PEAK1: variants seen among roughly 807,000 people sequenced by gnomAD.
PEAK1 encodes the protein inactive tyrosine-protein kinase PEAK1.
A neutral mutation model predicts 124.7 loss-of-function variants in PEAK1; 54 were observed. The ratio of observed to expected loss-of-function variants is 0.43; its 90% CI spans 0.35 to 0.54. PEAK1 has a LOEUF of 0.54. Among genes scored for constraint, PEAK1 ranks in the 20% least tolerant of loss-of-function variants. The pLI is 0.01. For synonymous variants in PEAK1, 719 were observed against 760.0 expected (o/e 0.95, Z 0.89); for missense variants, 2,046 against 2,134.5 (o/e 0.96, Z 0.82).
In PEAK1 at chr15:77,372,049, G is replaced by A. The variant is rs534638616; in HGVS notation, c.-665-6824C>T. Among the ~76,000 whole-genome samples the A allele has an allele frequency of 2.0e-5, 3 of 152,220 alleles. No homozygotes were observed. The South Asian group carries it at 6.2e-4, about 32-fold the overall frequency. ...CTCCATGACTTCACTATATTTCAAA[G>A]GTATAAGGCAACAACTCTGGCAATA... On this transcript the variant is annotated intron_variant, in intron 1 of 9. Coordinates refer to ENST00000682557, the MANE Select transcript of PEAK1 (RefSeq NM_001385026.1).
intron 9 of PEAK1, among the ~76,000 whole-genome samples, chr15:77,129,034 A>AGAG (rs1567002004): frequency 6.6e-6 from 1 of 152,216 alleles, no homozygotes; most frequent in Non-Finnish European, 1.5e-5. Context: ...GTACCTACAA[A>AGAG]GAGGTAATTA....
intron 1 of PEAK1, among the ~76,000 whole-genome samples, chr15:77,397,212 G>GT (rs1279292655): frequency 4.6e-5 from 7 of 152,254 alleles, no homozygotes; most frequent in African/African-American, 1.4e-4. Flanking sequence ...TGAATGACCA[G>GT]TGGGTCAATG....
chr15:77,357,378 C>T (rs1406186399), intron 2 of PEAK1, among the ~76,000 whole-genome samples: 7 of 152,212 alleles, frequency 4.6e-5, no homozygotes, highest in African/African-American at 1.7e-4. Context: ...GTGCAAGCGA[C>T]TCTCGTGCCT....
intron 1 of PEAK1, among the ~76,000 whole-genome samples, chr15:77,379,097 A>G (rs1277575322): frequency 1.3e-5 from 2 of 152,200 alleles, no homozygotes; most frequent in Non-Finnish European, 2.9e-5. Context: ...TTGGTAATAA[A>G]TGTGTTCACT....
chr15:77,305,185 G>A (rs2064021105), intron 2 of PEAK1, among the ~76,000 whole-genome samples: 1 of 130,906 alleles, frequency 7.6e-6, no homozygotes, highest in South Asian at 2.7e-4. Context: ...AAGGAAGGAA[G>A]GGAGGGAGGG....
chr15:77,161,891 A>G (rs1404870915), intron 7 of PEAK1, among the ~76,000 whole-genome samples: 2 of 141,512 alleles, frequency 1.4e-5, no homozygotes, highest in East Asian at 2.1e-4. Context: ...GCTTGAACTC[A>G]GGGGGCAGAG....
intron 1 of PEAK1, among the ~76,000 whole-genome samples, chr15:77,413,915 C>T (rs2072619397): frequency 6.6e-6 from 1 of 152,144 alleles, no homozygotes; most frequent in Non-Finnish European, 1.5e-5. Flanking sequence ...CCTCTACCAT[C>T]CAGGCTCAAG....
At chr15:77,209,175 C>T (rs901835635) in intron 6 of PEAK1, among the ~76,000 whole-genome samples, 4 of 152,108 alleles carry the variant, frequency 2.6e-5, no homozygotes, top group South Asian at 2.1e-4. Context: ...CCTTTTATGT[C>T]TCTTTTTTAA....
chr15:77,299,721 G>C (rs191633516), intron 2 of PEAK1, among the ~76,000 whole-genome samples: 92 of 152,246 alleles, frequency 6.0e-4, no homozygotes, highest in African/African-American at 2.1e-3. Flanking sequence ...ATGCATTTTT[G>C]AAAGAAGTGT....
At chr15:77,256,312 C>T (rs1313570987) in intron 5 of PEAK1, among the ~76,000 whole-genome samples, 2 of 151,994 alleles carry the variant, frequency 1.3e-5, no homozygotes, top group East Asian at 1.9e-4. Context: ...GATTTCAAAC[C>T]TTTGACACTA....
At chr15:77,275,832 C>T (rs368903442) in intron 5 of PEAK1, among the ~76,000 whole-genome samples, 3 of 151,704 alleles carry the variant, frequency 2.0e-5, no homozygotes, top group East Asian at 3.9e-4. Flanking sequence ...CATTAAAATG[C>T]TTCAACAGGC....
At position 77,127,001 on chromosome 15, in the gene PEAK1, A is replaced by G. The variant is rs139011310; in HGVS notation, c.4077+6004T>C. On this transcript the variant is annotated intron_variant, in intron 9 of 9. Transcript: ENST00000682557. ...TTCATATGTTGAAGCCCTAGCCCAC[A>G]ATGTTACTGCATTTTGGAGACAGGG... 3.7e-4 allele frequency among the ~76,000 whole-genome samples: 56 copies of G among 152,368 alleles called. No homozygotes were observed. In the East Asian group the frequency reaches 0.01, roughly 27 times the overall value.
intron 1 of PEAK1, among the ~76,000 whole-genome samples, chr15:77,382,366 C>T (rs139271320): frequency 3.9e-5 from 6 of 152,342 alleles, no homozygotes; most frequent in African/African-American, 1.2e-4. Context: ...GTCTATAGAT[C>T]CCCAGTCTTT....
chr15:77,148,307 A>C lies in PEAK1; in HGVS notation c.3331+10196T>G, dbSNP rs183678476. Among the ~76,000 whole-genome samples, 47 of 152,204 alleles carry C rather than the reference A, an allele frequency of 3.1e-4. No homozygotes were observed. The East Asian group carries it at 8.9e-3, about 29-fold the overall frequency. On this transcript the variant is annotated intron_variant, in intron 8 of 9. Transcript: ENST00000682557. The stretch of plus-strand genomic sequence containing the variant: ...CCAGTTGAGTGTTTTTTTTAAATGG[A>C]GTTTTTTAAAACTATATAAGAAATG...
chr15:77,389,048 T>C (rs904271159), intron 1 of PEAK1, among the ~76,000 whole-genome samples: 1 of 151,308 alleles, frequency 6.6e-6, no homozygotes, highest in Admixed American at 6.6e-5. Context: ...CTGCAACCTA[T>C]GCTTCCTGGG....
intron 2 of PEAK1, among the ~76,000 whole-genome samples, chr15:77,360,854 C>T (rs2067841882): frequency 1.3e-5 from 2 of 151,580 alleles, no homozygotes; most frequent in East Asian, 1.9e-4. Context: ...TCTTTAAAGC[C>T]CCTACCTCTC....
At position 77,179,620 on chromosome 15, in the gene PEAK1, C is replaced by G; in HGVS notation, c.2307G>C (p.Gln769His). ...TREKASTVLS[Q>H]IVASIQPPQS... The stretch of plus-strand genomic sequence containing the variant: ...GTGGGGGTTGGATTGAAGCCACAAT[C>G]TGAGAAAGCACTGTGCTTGCTTTCT... Residue 769 changes from glutamine (Q) to histidine (H), a missense_variant, in exon 7 of 10, where the codon CAG becomes CAC. Physicochemically the swap from Gln to His is conservative, Grantham distance 24. Transcript: ENST00000682557. 6.2e-7 allele frequency: 1 copy of G among 1,614,170 alleles called. No individual in the cohort carries two copies. Among genetic ancestry groups the G allele is most frequent in the African/African-American group, 1.3e-5 (1 of 75,048 alleles).
chr15:77,316,327 C>T (rs1357190809), intron 2 of PEAK1, among the ~76,000 whole-genome samples: 38 of 152,112 alleles, frequency 2.5e-4, no homozygotes, highest in Admixed American at 2.5e-3. Flanking sequence ...ATATGATTGC[C>T]ATTTTGACAT....
At chr15:77,278,985 C>T (rs746741133) in intron 5 of PEAK1, among the ~76,000 whole-genome samples, 3 of 151,806 alleles carry the variant, frequency 2.0e-5, no homozygotes, top group Non-Finnish European at 2.9e-5. Flanking sequence ...CACACGCCAC[C>T]ACAACTGGCT....
Sources: allele counts gnomAD v4.1 joint callset (sites outside exome capture counted in the v4.1 genomes callset), GRCh38; gene constraint gnomAD v4.1.1; transcripts MANE v1.5; gene names NCBI Gene and HGNC (gene_info 2026-07-23, HGNC 2026-07-21).